BRIP1: variants seen among roughly 807,000 people sequenced by gnomAD.
BRIP1 encodes the protein BRCA1 interacting DNA helicase 1.
In BRIP1, 88 loss-of-function variants were observed where a neutral mutation model predicts 119.7. The observed-to-expected ratio is 0.74, with a 90% CI of 0.62 to 0.88. The LOEUF (loss-of-function observed/expected upper bound fraction) is 0.88. Among genes scored for constraint, BRIP1 ranks in the 40% least tolerant of loss-of-function variants. The pLI is 0.00. For missense variants in BRIP1, 1,259 were observed against 1,455.4 expected, an observed-to-expected ratio of 0.87 and a Z score of 2.20; for synonymous variants, 443 against 496.5, an observed-to-expected ratio of 0.89 and a Z score of 1.43.
Position 61,680,476 on chromosome 17 carries a change from A to ATTTTT in BRIP1, c.*2819_*2820insAAAAA, listed in dbSNP as rs551338531. Among the ~76,000 whole-genome samples, 3 of 74,694 alleles carry ATTTTT rather than the reference A, an allele frequency of 4.0e-5. No individual in the cohort carries two copies. Among genetic ancestry groups the ATTTTT allele is most frequent in the South Asian group, 5.2e-4 (1 of 1,928 alleles). 49.0% of individuals were successfully genotyped at this position (74,694 alleles called of 152,430 possible). On this transcript the variant is annotated 3_prime_UTR_variant, in exon 20 of 20. Transcript: ENST00000259008. Reference sequence around the variant, plus strand: ...ATGTAGTTTACCAATTCTAAAGGTAATTTCTTTTTTTTTTTTTTTTTGAGA... The same window carrying ATTTTT: ...ATGTAGTTTACCAATTCTAAAGGTAATTTTTTTTCTTTTTTTTTTTTTTTTTGAGA...
At position 61,795,684 on chromosome 17, in the gene BRIP1, T is replaced by G. The variant is rs969533302; in HGVS notation, c.1341-1955A>C. Among the ~76,000 whole-genome samples the G allele has an allele frequency of 1.3e-5, 2 of 152,166 alleles. No homozygotes were observed. The highest frequency in any genetic ancestry group is 4.8e-5 in the African/African-American group (2 of 41,442). On this transcript the variant is annotated intron_variant, in intron 9 of 19. Transcript: ENST00000259008. The surrounding 1 kb of genome is among the most constrained non-coding windows in gnomAD (Gnocchi z 5.6). ...TGGACATTTAGGCTGCTTTCAAATC[T>G]TGACTATTGTGAATAGTGCTGCAGC...
Position 61,857,302 on chromosome 17 carries a change from T to C in BRIP1, c.206-71A>G. On this transcript the variant is annotated intron_variant, in intron 3 of 19. Transcript: ENST00000259008. This position sits in a 1 kb window ranked among gnomAD's most constrained non-coding sequence, Gnocchi z 5.1. ...ACATCAATCATTCTCTACAGCCCAG[T>C]TCACCCAGGATTGGGAGGTTTCCTA... The C allele has an allele frequency of 7.2e-7, 1 of 1,390,170 alleles. No individual in the cohort carries two copies. Among genetic ancestry groups the C allele is most frequent in the Non-Finnish European group, 9.8e-7 (1 of 1,017,930 alleles). 86.1% of individuals were successfully genotyped at this position (1,390,170 alleles called of 1,614,324 possible).
chr17:61,683,143 C>T lies in BRIP1; in HGVS notation c.*153G>A. 9.9e-7 allele frequency: 1 copy of T among 1,009,170 alleles called. No individual in the cohort carries two copies. The highest frequency in any genetic ancestry group is 1.4e-6 in the Non-Finnish European group (1 of 709,216). 62.5% of individuals were successfully genotyped at this position (1,009,170 alleles called of 1,614,324 possible). The stretch of plus-strand genomic sequence containing the variant: ...AAGACTCTGTCTCAAAAAAAAAAAC[C>T]CAAAAACTCAAGAATAATAACATTT... On this transcript the variant is annotated 3_prime_UTR_variant, in exon 20 of 20. Coordinates refer to ENST00000259008, the MANE Select transcript of BRIP1 (RefSeq NM_032043.3). This position sits in a 1 kb window ranked among gnomAD's most constrained non-coding sequence, Gnocchi z 4.7.
rs1004636915 is a variant in BRIP1, at chr17:61,843,194, G to C, written c.627+3907C>G. Among the ~76,000 whole-genome samples the C allele has an allele frequency of 2.0e-5, 3 of 152,140 alleles. No homozygotes were observed. Among genetic ancestry groups the C allele is most frequent in the African/African-American group, 7.2e-5 (3 of 41,420 alleles). ...ACATAGAAACAGAAATCAGAACAAT[G>C]GTTACTGGGGCAGGGAGGTGGGGGA... On this transcript the variant is annotated intron_variant, in intron 6 of 19. Transcript: ENST00000259008. The surrounding 1 kb of genome is among the most constrained non-coding windows in gnomAD (Gnocchi z 5.7).
At chr17:61,712,775 G>A (rs1308213549) in intron 17 of BRIP1, among the ~76,000 whole-genome samples, 1 of 151,748 alleles carries the variant, frequency 6.6e-6, no homozygotes, top group African/African-American at 2.4e-5. Context: ...GTGGTGGTGC[G>A]AGCCTGTAGT....
intron 10 of BRIP1, among the ~76,000 whole-genome samples, chr17:61,791,162 T>G (rs2077810082): frequency 6.6e-6 from 1 of 151,996 alleles, no homozygotes; most frequent in Non-Finnish European, 1.5e-5. Context: ...TTCAAAAACC[T>G]CTTTGAGAAA....
rs1426174772 is a variant in BRIP1, at chr17:61,693,789, CTTAGCCACA to C, written c.2493-286_2493-278del. ...ATAGAAAATATATTCTAAGATCTTT[CTTAGCCACA>C]TAGACTGTTTTCTTTTTTTTACCTT... On this transcript the variant is annotated intron_variant, in intron 17 of 19. Transcript: ENST00000259008. The surrounding 1 kb of genome is among the most constrained non-coding windows in gnomAD (Gnocchi z 4.2). Among the ~76,000 whole-genome samples, 2 of 152,010 alleles carry C rather than the reference CTTAGCCACA, an allele frequency of 1.3e-5. No homozygotes were observed. Among genetic ancestry groups the C allele is most frequent in the African/African-American group, 4.8e-5 (2 of 41,404 alleles).
At chr17:61,859,049 C>CAAAAA (rs34782273) in intron 3 of BRIP1, among the ~76,000 whole-genome samples, 1 of 45,134 alleles carries the variant, frequency 2.2e-5, no homozygotes, top group African/African-American at 8.0e-5. Flanking sequence ...TGACGCCACT[C>CAAAAA]AAAAAAAAAA....
At chr17:61,765,412 TATATATATA>T (rs1341216959) in intron 14 of BRIP1, among the ~76,000 whole-genome samples, 29 of 17,528 alleles carry the variant, frequency 1.7e-3, no homozygotes, top group African/African-American at 2.2e-3. Context: ...TATATATATA[TATATATATA>T]TATTTTTTTT....
chr17:61,822,052 T>C lies in BRIP1; in HGVS notation c.628-13295A>G, dbSNP rs187256282. Among the ~76,000 whole-genome samples, 45 of 152,310 alleles carry C rather than the reference T, an allele frequency of 3.0e-4. No individual in the cohort carries two copies. The highest frequency in any genetic ancestry group is 2.7e-3 in the Admixed American group (42 of 15,300). ...CAGTAATAGCCACCAGTAAAAGAAC[T>C]AAATGACAGAAGACATAATAAAAAC... On this transcript the variant is annotated intron_variant, in intron 6 of 19. Coordinates refer to ENST00000259008, the MANE Select transcript of BRIP1 (RefSeq NM_032043.3). This position sits in a 1 kb window ranked among gnomAD's most constrained non-coding sequence, Gnocchi z 4.4.
chr17:61,793,747 A>G lies in BRIP1; in HGVS notation c.1341-18T>C. The G allele has an allele frequency of 6.2e-7, 1 of 1,605,152 alleles. No individual in the cohort carries two copies. Among genetic ancestry groups the G allele is most frequent in the Non-Finnish European group, 8.5e-7 (1 of 1,177,458 alleles). ...CTAACCAACTGAAATAAAATAAAAC[A>G]ATTGTGTCAACCAGTATCATCCTTA... On this transcript the variant is annotated intron_variant, in intron 9 of 19. Coordinates refer to ENST00000259008, the MANE Select transcript of BRIP1 (RefSeq NM_032043.3). This position sits in a 1 kb window ranked among gnomAD's most constrained non-coding sequence, Gnocchi z 5.2.
Position 61,808,843 on chromosome 17 carries a change from G to A in BRIP1, c.628-86C>T. 1 of 1,304,248 alleles carries A rather than the reference G, an allele frequency of 7.7e-7. No homozygotes were observed. The highest frequency in any genetic ancestry group is 1.2e-5 in the South Asian group (1 of 80,972). The allele number at this position is 1,304,248 out of a possible 1,614,324, so 80.8% of individuals were successfully genotyped here. ...CCTCACATGGAATCAGAACCTGTAA[G>A]TAATGAATCACAATGGTCAAATAAA... On this transcript the variant is annotated intron_variant, in intron 6 of 19. Transcript: ENST00000259008. The surrounding 1 kb of genome is among the most constrained non-coding windows in gnomAD (Gnocchi z 4.1).
rs972827020 is a variant in BRIP1 at position 61,717,088 on chromosome 17, A to G, written c.2380-1025T>C. Among the ~76,000 whole-genome samples the G allele has an allele frequency of 1.3e-5, 2 of 152,068 alleles. No homozygotes were observed. Among genetic ancestry groups the G allele is most frequent in the African/African-American group, 4.8e-5 (2 of 41,446 alleles). ...TCTTTTAATTTTAAATAAGTTTATA[A>G]TTTTGAAATAAGTTTAGATTTACAG... On this transcript the variant is annotated intron_variant, in intron 16 of 19. Coordinates refer to ENST00000259008, the MANE Select transcript of BRIP1 (RefSeq NM_032043.3). This position sits in a 1 kb window ranked among gnomAD's most constrained non-coding sequence, Gnocchi z 4.1.
At chr17:61,764,440 T>C (rs1371551088) in intron 14 of BRIP1, among the ~76,000 whole-genome samples, 1 of 152,182 alleles carries the variant, frequency 6.6e-6, no homozygotes, top group South Asian at 2.1e-4. Context: ...GTGGTGTCAC[T>C]TTTTTGTCCC....
Position 61,724,541 on chromosome 17 carries a change from G to C in BRIP1, c.2380-8478C>G, listed in dbSNP as rs2076740995. ...AGTAGCTTCTGAAAAAATAAATGGT[G>C]TGATAAATATGAGCTAGAACTATAA... On this transcript the variant is annotated intron_variant, in intron 16 of 19. Coordinates refer to ENST00000259008, the MANE Select transcript of BRIP1 (RefSeq NM_032043.3). The surrounding 1 kb of genome is among the most constrained non-coding windows in gnomAD (Gnocchi z 5.1). 6.6e-6 allele frequency among the ~76,000 whole-genome samples: 1 copy of C among 152,100 alleles called. No individual in the cohort carries two copies. The highest frequency in any genetic ancestry group is 2.4e-5 in the African/African-American group (1 of 41,426).
rs2061504390 is a variant in BRIP1, at chr17:61,695,317, T to C, written c.2493-1805A>G. ...CACTGTAGATGTATGAATTTGTTTA[T>C]GGACCCTCAATTCTACCCATTGATC... is the stretch of plus-strand genomic sequence containing the variant. On this transcript the variant is annotated intron_variant, in intron 17 of 19. Coordinates refer to ENST00000259008, the MANE Select transcript of BRIP1 (RefSeq NM_032043.3). The surrounding 1 kb of genome is among the most constrained non-coding windows in gnomAD (Gnocchi z 4.3). Among the ~76,000 whole-genome samples the C allele has an allele frequency of 6.6e-6, 1 of 152,174 alleles. No individual in the cohort carries two copies. Among genetic ancestry groups the C allele is most frequent in the Non-Finnish European group, 1.5e-5 (1 of 67,988 alleles).
In BRIP1 at chr17:61,704,991, A is replaced by G. The variant is rs1213231563; in HGVS notation, c.2492+10960T>C. Among the ~76,000 whole-genome samples the G allele has an allele frequency of 6.6e-6, 1 of 152,058 alleles. No individual in the cohort carries two copies. Among genetic ancestry groups the G allele is most frequent in the Admixed American group, 6.6e-5 (1 of 15,250 alleles). Reference sequence around the variant, plus strand: ...ACATGTGCAGGTTTGTTACAAAGGTATATTGCATGATGTTGAGTTTGGAGT... The same window carrying G: ...ACATGTGCAGGTTTGTTACAAAGGTGTATTGCATGATGTTGAGTTTGGAGT... On this transcript the variant is annotated intron_variant, in intron 17 of 19. Transcript: ENST00000259008. The surrounding 1 kb of genome is among the most constrained non-coding windows in gnomAD (Gnocchi z 5.7).
rs1215677500 is a variant in BRIP1, at chr17:61,730,010, G to A, written c.2379+13003C>T. Among the ~76,000 whole-genome samples the A allele has an allele frequency of 6.6e-6, 1 of 152,186 alleles. No individual in the cohort carries two copies. Among genetic ancestry groups the A allele is most frequent in the Non-Finnish European group, 1.5e-5 (1 of 68,036 alleles). On this transcript the variant is annotated intron_variant, in intron 16 of 19. Transcript: ENST00000259008. This position sits in a 1 kb window ranked among gnomAD's most constrained non-coding sequence, Gnocchi z 4.3. ...GTGCCAAGTTTGAGAAACACAGCTT[G>A]AAAGTAATTTCAAGTCACAAATCTG...
chr17:61,768,453 G>A lies in BRIP1; in HGVS notation c.2097+7948C>T, dbSNP rs567188409. ...CTTCAAAGGCAGTAAGAAAGACTTG[G>A]AACAATAAGAGTTAGTCTCCATCCA... On this transcript the variant is annotated intron_variant, in intron 14 of 19. Transcript: ENST00000259008. This position sits in a 1 kb window ranked among gnomAD's most constrained non-coding sequence, Gnocchi z 5.0. 2.2e-4 allele frequency among the ~76,000 whole-genome samples: 34 copies of A among 152,246 alleles called. No individual in the cohort carries two copies. In the South Asian group the frequency reaches 5.8e-3, roughly 26 times the overall value.
Sources: allele counts gnomAD v4.1 joint callset (sites outside exome capture counted in the v4.1 genomes callset), GRCh38; gene constraint gnomAD v4.1.1; non-coding constraint Gnocchi (gnomAD v3.1); transcripts MANE v1.5; gene names NCBI Gene and HGNC (gene_info 2026-07-23, HGNC 2026-07-21).